The following PDE4B variants were observed in gnomAD, a reference collection of about 807,000 sequenced individuals.
PDE4B encodes the protein phosphodiesterase 4B, also known as 3',5'-cyclic-AMP phosphodiesterase 4B.
PDE4B carries 20 observed loss-of-function variants against 82.2 expected under a neutral mutation model. The ratio of observed to expected loss-of-function variants is 0.24; its 90% confidence interval spans 0.17 to 0.35. The LOEUF (loss-of-function observed/expected upper bound fraction) is 0.35. Among genes scored for constraint, PDE4B ranks in the 10% least tolerant of loss-of-function variants. The probability of loss-of-function intolerance (pLI) is 1.00; values close to 1 mark genes in which losing one functional copy is unlikely to be tolerated. For synonymous variants in PDE4B, 320 were observed against 318.9 expected (o/e 1.00, Z -0.04); for missense variants, 655 against 907.2 (o/e 0.72, Z 3.57).
At chr1:66,185,375 CA>C (rs1647166568) in intron 3 of PDE4B, among the ~76,000 whole-genome samples, 1 of 152,166 alleles carries the variant, frequency 6.6e-6, no homozygotes, top group African/African-American at 2.4e-5. Flanking sequence ...ATTGCTGGGT[CA>C]AACGGTATTT....
rs1043866949 is a variant in PDE4B at position 65,855,601 on chromosome 1, G to A, written c.-70-57644G>A. On this transcript the variant is annotated intron_variant, in intron 1 of 16. Coordinates refer to ENST00000341517, the MANE Select transcript of PDE4B (RefSeq NM_002600.4). ...GAACTGACAGCCACCTGATTATTCC[G>A]TGTTCAATTTTGTGTCATTTCACCC... is the stretch of plus-strand genomic sequence containing the variant. 4.6e-5 allele frequency among the ~76,000 whole-genome samples: 7 copies of A among 152,058 alleles called. No homozygotes were observed. The East Asian group carries it at 5.8e-4, about 13-fold the overall frequency.
intron 4 of PDE4B, among the ~76,000 whole-genome samples, chr1:66,253,334 T>G (rs1035825373): frequency 2.0e-5 from 3 of 152,250 alleles, no homozygotes; most frequent in Admixed American, 1.3e-4. Context: ...AAAGGTGGAA[T>G]GAATTAATAA....
intron 1 of PDE4B, among the ~76,000 whole-genome samples, chr1:65,892,587 ACCCACCCTAACCCC>A (rs1646864145): frequency 3.9e-5 from 6 of 152,020 alleles, no homozygotes; most frequent in Admixed American, 3.9e-4. Flanking sequence ...CTGCATCTGT[ACCCACCCTAACCCC>A]AGTCCCTGCT....
chr1:65,847,369 A>G (rs1021674556), intron 1 of PDE4B, among the ~76,000 whole-genome samples: 7 of 152,176 alleles, frequency 4.6e-5, no homozygotes, highest in African/African-American at 1.7e-4. Context: ...TCTGAATTCA[A>G]TTGCTGGGCT....
chr1:65,919,613 A>C (rs1413748540), intron 3 of PDE4B, among the ~76,000 whole-genome samples: 3 of 152,218 alleles, frequency 2.0e-5, no homozygotes, highest in Non-Finnish European at 2.9e-5. Context: ...ATGATTTTAA[A>C]TTAATAATGT....
intron 8 of PDE4B, among the ~76,000 whole-genome samples, chr1:66,353,288 A>G (rs919161081): frequency 6.6e-6 from 1 of 152,242 alleles, no homozygotes; most frequent in African/African-American, 2.4e-5. Flanking sequence ...AAGCAGGGTT[A>G]CCCAGAAGGA....
chr1:66,067,843 T>A (rs1040017704), intron 3 of PDE4B, among the ~76,000 whole-genome samples: 2 of 150,966 alleles, frequency 1.3e-5, no homozygotes, highest in Admixed American at 1.3e-4. Context: ...AACATTTAAG[T>A]CTTTAATCCA....
At chr1:65,976,654 C>T (rs965318474) in intron 3 of PDE4B, among the ~76,000 whole-genome samples, 2 of 152,004 alleles carry the variant, frequency 1.3e-5, no homozygotes, top group Non-Finnish European at 2.9e-5. Flanking sequence ...GGCAGATTTC[C>T]CCTTGGTGTT....
chr1:66,143,338 T>C (rs1229451901), intron 3 of PDE4B, among the ~76,000 whole-genome samples: 3 of 152,080 alleles, frequency 2.0e-5, no homozygotes, highest in African/African-American at 7.2e-5. Context: ...GACTTGACAA[T>C]AGGGACAATA....
At chr1:66,188,656 AC>A in intron 3 of PDE4B, among the ~76,000 whole-genome samples, 1 of 151,518 alleles carries the variant, frequency 6.6e-6, no homozygotes, top group Admixed American at 6.6e-5. Context: ...TAGGATTGCA[AC>A]CCCTGCCTTT....
intron 3 of PDE4B, among the ~76,000 whole-genome samples, chr1:66,082,620 G>A (rs1490511464): frequency 6.9e-6 from 1 of 145,846 alleles, no homozygotes; most frequent in African/African-American, 2.6e-5. Context: ...TACTGTATAG[G>A]AATTTTGATA....
At chr1:66,340,933 C>T (rs996743564) in intron 8 of PDE4B, among the ~76,000 whole-genome samples, 90 of 152,116 alleles carry the variant, frequency 5.9e-4, no homozygotes, top group African/African-American at 2.2e-3. Context: ...TATTAATTTA[C>T]CAACTATCTA....
At chr1:66,069,702 A>G (rs755786938) in intron 3 of PDE4B, among the ~76,000 whole-genome samples, 5 of 152,146 alleles carry the variant, frequency 3.3e-5, no homozygotes, top group Middle Eastern at 3.4e-3. Flanking sequence ...AAAATGGAAT[A>G]TTGGTACCAT....
At chr1:66,156,311 A>G (rs912210168) in intron 3 of PDE4B, among the ~76,000 whole-genome samples, 1 of 152,186 alleles carries the variant, frequency 6.6e-6, no homozygotes, top group Admixed American at 6.5e-5. Context: ...TAAGTTGCAC[A>G]CAAACAAGAA....
At chr1:66,107,554 A>G (rs1645392523) in intron 3 of PDE4B, among the ~76,000 whole-genome samples, 1 of 151,898 alleles carries the variant, frequency 6.6e-6, no homozygotes, top group Non-Finnish European at 1.5e-5. Flanking sequence ...TGAGACTTTC[A>G]TGGTAAGTCC....
At chr1:66,242,712 G>A (rs140752298) in intron 3 of PDE4B, among the ~76,000 whole-genome samples, 3 of 152,108 alleles carry the variant, frequency 2.0e-5, no homozygotes, top group Non-Finnish European at 4.4e-5. Context: ...AGGTTTCATG[G>A]TACACCTTGT....
At chr1:65,852,042 G>A (rs1017879410) in intron 1 of PDE4B, among the ~76,000 whole-genome samples, 7 of 151,966 alleles carry the variant, frequency 4.6e-5, no homozygotes, top group African/African-American at 1.7e-4. Flanking sequence ...TATGAAATCA[G>A]CCTTACATCT....
rs1170474877 is a variant in PDE4B, at chr1:65,997,237, C to CTCTA, written c.281+78402_281+78403insTCTA. Among the ~76,000 whole-genome samples, 12 of 147,690 alleles carry CTCTA rather than the reference C, an allele frequency of 8.1e-5. No individual in the cohort carries two copies. The South Asian group carries it at 2.1e-3, about 26-fold the overall frequency. On this transcript the variant is annotated intron_variant, in intron 3 of 16. Transcript: ENST00000341517. ...GAGGACTACCCTCTATCTCTCTGTC[C>CTCTA]ATGCTTGCACACAGGAAACAATATT...
At position 66,060,219 on chromosome 1, in the gene PDE4B, G is replaced by A. The variant is rs530940509; in HGVS notation, c.281+141384G>A. On this transcript the variant is annotated intron_variant, in intron 3 of 16. Coordinates refer to ENST00000341517, the MANE Select transcript of PDE4B (RefSeq NM_002600.4). Reference sequence around the variant, plus strand: ...AAGCTTCAGGATTAAATTTTGTAGGGCTAGTGAACACAGACTCCTTATCAA... The same window carrying A: ...AAGCTTCAGGATTAAATTTTGTAGGACTAGTGAACACAGACTCCTTATCAA... Among the ~76,000 whole-genome samples, 5 of 152,250 alleles carry A rather than the reference G, an allele frequency of 3.3e-5. No individual in the cohort carries two copies. The South Asian group carries it at 1.0e-3, about 32-fold the overall frequency.
Sources: gnomAD v4.1 joint callset for allele counts (sites outside exome capture counted in the v4.1 genomes callset) on GRCh38, gnomAD v4.1.1 for gene constraint, MANE v1.5 for transcripts, NCBI Gene and HGNC (gene_info 2026-07-23, HGNC 2026-07-21) for gene names.